The following GRID2 variants were observed in gnomAD, a reference collection of about 807,000 sequenced individuals.
The protein encoded by GRID2 is glutamate receptor ionotropic, delta-2.
In GRID2, 33 loss-of-function variants were observed where a neutral mutation model predicts 114.8. That is an observed-to-expected ratio of 0.29 (90% CI 0.22 to 0.38). The LOEUF is 0.38. Ranked by LOEUF, GRID2 falls within the 10% of genes least tolerant of loss-of-function variation. GRID2 has a pLI of 1.00. For synonymous variants in GRID2, 505 were observed against 449.9 expected (o/e 1.12, Z -1.55); for missense variants, 1,184 against 1,257.7 (o/e 0.94, Z 0.89).
Position 92,419,922 on chromosome 4 carries a change from C to T in GRID2, c.88+115178C>T, listed in dbSNP as rs544390661. ...ATTTACTTAAATATTTCAAATTTTA[C>T]GCTGTTGTTCTCTGAAAATATAAAA... On this transcript the variant is annotated intron_variant, in intron 1 of 15. Coordinates refer to ENST00000282020, the MANE Select transcript of GRID2 (RefSeq NM_001510.4). 3.3e-4 allele frequency among the ~76,000 whole-genome samples: 50 copies of T among 152,074 alleles called. 2 individuals are homozygous for T. The South Asian group carries it at 7.3e-3, about 22-fold the overall frequency.
At chr4:93,735,515 A>G (rs1730853094) in intron 14 of GRID2, among the ~76,000 whole-genome samples, 1 of 152,026 alleles carries the variant, frequency 6.6e-6, no homozygotes, top group Admixed American at 6.6e-5. Context: ...CATATTATAT[A>G]GAAAAACTGA....
Position 92,682,669 on chromosome 4 carries a change from T to G in GRID2, c.244+92383T>G, listed in dbSNP as rs538920775. Among the ~76,000 whole-genome samples, 3 of 145,996 alleles carry G rather than the reference T, an allele frequency of 2.1e-5. No individual in the cohort carries two copies. The South Asian group carries it at 6.7e-4, about 33-fold the overall frequency. On this transcript the variant is annotated intron_variant, in intron 2 of 15. Coordinates refer to ENST00000282020, the MANE Select transcript of GRID2 (RefSeq NM_001510.4). ...GGATTGGTCATATGTGGATGAGATATTAAAATCGCAGGGCACACACACACA... is the reference window on the plus strand; with the variant it reads ...GGATTGGTCATATGTGGATGAGATAGTAAAATCGCAGGGCACACACACACA...
At chr4:93,198,034 G>A (rs1383525525) in intron 4 of GRID2, among the ~76,000 whole-genome samples, 1 of 151,904 alleles carries the variant, frequency 6.6e-6, no homozygotes, top group African/African-American at 2.4e-5. Context: ...TCCTAGGTGA[G>A]GTATGGATAT....
chr4:93,430,327 C>A (rs1202340864), intron 10 of GRID2, among the ~76,000 whole-genome samples: 1 of 152,120 alleles, frequency 6.6e-6, no homozygotes, highest in Non-Finnish European at 1.5e-5. Context: ...ATTACACGCA[C>A]CCACCACCAT....
At chr4:93,232,787 A>G (rs939703094) in intron 7 of GRID2, among the ~76,000 whole-genome samples, 2 of 152,078 alleles carry the variant, frequency 1.3e-5, no homozygotes, top group Admixed American at 6.6e-5. Context: ...ATATATGTTG[A>G]TATCTCAAAA....
chr4:93,346,120 T>C (rs1379223192), intron 8 of GRID2, among the ~76,000 whole-genome samples: 1 of 152,170 alleles, frequency 6.6e-6, no homozygotes, highest in Non-Finnish European at 1.5e-5. Flanking sequence ...TTTGACTATT[T>C]GGGTATTTTA....
chr4:93,324,462 A>G (rs1454485872), intron 8 of GRID2, among the ~76,000 whole-genome samples: 1 of 152,168 alleles, frequency 6.6e-6, no homozygotes, highest in African/African-American at 2.4e-5. Context: ...GGATTTTCAA[A>G]TCGATGTTCA....
intron 1 of GRID2, among the ~76,000 whole-genome samples, chr4:92,399,884 ATGTG>A (rs888381540): frequency 1.3e-5 from 2 of 152,134 alleles, no homozygotes; most frequent in Non-Finnish European, 1.5e-5. Context: ...TACGTATTGC[ATGTG>A]TGTATAATTA....
intron 2 of GRID2, among the ~76,000 whole-genome samples, chr4:92,689,530 C>A (rs541260819): frequency 1.3e-5 from 2 of 152,320 alleles, no homozygotes; most frequent in East Asian, 3.9e-4. Flanking sequence ...ACATCAGCAG[C>A]GTCATTAGAT....
At chr4:93,064,176 G>GA (rs1728060584) in intron 2 of GRID2, among the ~76,000 whole-genome samples, 1 of 150,170 alleles carries the variant, frequency 6.7e-6, no homozygotes, top group Non-Finnish European at 1.5e-5. Context: ...AGTAATTGCA[G>GA]ATTTTGCTAG....
At chr4:92,870,680 G>T (rs189603305) in intron 2 of GRID2, among the ~76,000 whole-genome samples, 11 of 152,198 alleles carry the variant, frequency 7.2e-5, no homozygotes, top group Admixed American at 7.2e-4. Flanking sequence ...TTTCATAGTA[G>T]AGAAATATGA....
At chr4:93,014,323 A>G (rs1722472052) in intron 2 of GRID2, among the ~76,000 whole-genome samples, 2 of 152,116 alleles carry the variant, frequency 1.3e-5, no homozygotes, top group South Asian at 2.1e-4. Context: ...GAGGAAAACA[A>G]ACATTCAGCC....
intron 8 of GRID2, among the ~76,000 whole-genome samples, chr4:93,320,675 A>G (rs1757113276): frequency 6.6e-6 from 1 of 152,048 alleles, no homozygotes; most frequent in African/African-American, 2.4e-5. Flanking sequence ...AGAGGAAGAC[A>G]TGAGTCAACC....
At chr4:92,709,530 T>C (rs946861985) in intron 2 of GRID2, among the ~76,000 whole-genome samples, 4 of 144,896 alleles carry the variant, frequency 2.8e-5, no homozygotes, top group African/African-American at 5.1e-5. Flanking sequence ...GTAATGTCCT[T>C]ACTGAAATTT....
In GRID2 at chr4:93,267,166, CT is replaced by C. The variant is rs34529462; in HGVS notation, c.1245+28688del. Reference sequence around the variant, plus strand: ...GTTCCATTGAATAGTACACACATTTCTTTTTTTTTTTTAATTTTATTATTTT... The same window carrying C: ...GTTCCATTGAATAGTACACACATTTCTTTTTTTTTTTAATTTTATTATTTT... On this transcript the variant is annotated intron_variant, in intron 8 of 15. Transcript: ENST00000282020. 3.1e-3 allele frequency among the ~76,000 whole-genome samples: 441 copies of C among 143,146 alleles called. 2 individuals carry two copies. The highest frequency in any genetic ancestry group is 5.2e-3 in the Non-Finnish European group (343 of 65,786). 93.9% of individuals were successfully genotyped at this position (143,146 alleles called of 152,430 possible). A position where few individuals can be genotyped will look rare whatever the true frequency, so the allele number is the denominator to read the frequency against.
At chr4:93,250,540 G>A (rs1249552796) in intron 8 of GRID2, among the ~76,000 whole-genome samples, 1 of 91,474 alleles carries the variant, frequency 1.1e-5, no homozygotes, top group African/African-American at 5.6e-5. Context: ...TTACTCCAAG[G>A]TTTTCTTCTT....
chr4:92,523,970 C>T (rs1724910587), intron 1 of GRID2, among the ~76,000 whole-genome samples: 1 of 151,948 alleles, frequency 6.6e-6, no homozygotes. Flanking sequence ...GGAGCAAAGT[C>T]CCATAGAAGG....
At chr4:92,499,220 A>T (rs1346648487) in intron 1 of GRID2, among the ~76,000 whole-genome samples, 1 of 151,878 alleles carries the variant, frequency 6.6e-6, no homozygotes, top group Non-Finnish European at 1.5e-5. Flanking sequence ...TCCTTTCCTT[A>T]TATTAATAAT....
intron 12 of GRID2, among the ~76,000 whole-genome samples, chr4:93,503,157 G>C (rs917432080): frequency 1.3e-5 from 2 of 152,048 alleles, no homozygotes; most frequent in African/African-American, 4.8e-5. Flanking sequence ...GGAGGACGTA[G>C]TTTGAGTATG....
Sources: allele counts gnomAD v4.1 joint callset (sites outside exome capture counted in the v4.1 genomes callset), GRCh38; gene constraint gnomAD v4.1.1; transcripts MANE v1.5; gene names NCBI Gene and HGNC (gene_info 2026-07-23, HGNC 2026-07-21).